The following ENTPD6 variants were observed in gnomAD, a reference collection of about 807,000 sequenced individuals.
The protein encoded by ENTPD6 is CD39 antigen-like 2.
Under a neutral mutation model 61.5 loss-of-function variants are expected in ENTPD6, and 46 were observed. That is an observed-to-expected ratio of 0.75 (90% CI 0.59 to 0.96). ENTPD6 has a LOEUF of 0.96. Among genes scored for constraint, ENTPD6 ranks in the 40% least tolerant of loss-of-function variants. ENTPD6 has a pLI of 0.00. For synonymous variants in ENTPD6, 252 were observed against 255.5 expected (o/e 0.99, Z 0.13); for missense variants, 612 against 629.0 (o/e 0.97, Z 0.29).
At chr20:25,196,140 GTTCATTCA>G (rs1475644037) in intron 1 of ENTPD6, 1 of 1,219,926 alleles carries the variant, frequency 8.2e-7, no homozygotes, top group African/African-American at 1.6e-5. Flanking sequence ...GCCCTGCTGC[GTTCATTCA>G]TTCAGCCCGC....
chr20:25,216,271 G>A (rs1481428673), intron 7 of ENTPD6, among the ~76,000 whole-genome samples: 1 of 152,184 alleles, frequency 6.6e-6, no homozygotes, highest in Admixed American at 6.5e-5. Flanking sequence ...TTGCCACTTT[G>A]GGGGATAGAA....
chr20:25,215,969 T>G (rs2092293407), intron 7 of ENTPD6, among the ~76,000 whole-genome samples: 1 of 152,200 alleles, frequency 6.6e-6, no homozygotes, highest in Non-Finnish European at 1.5e-5. Flanking sequence ...CCCTGTCCCC[T>G]GCAGAACATC....
chr20:25,220,010 G>A (rs944599540), intron 10 of ENTPD6, among the ~76,000 whole-genome samples: 4 of 152,280 alleles, frequency 2.6e-5, no homozygotes, highest in East Asian at 3.9e-4. Flanking sequence ...TGCCCTTTGT[G>A]GTTCCCAGGG....
rs1261058661 is a variant in ENTPD6 at position 25,224,115 on chromosome 20, G to A, written c.1201G>A (p.Gly401Ser). The change falls in exon 13 of 15, where the codon GGC becomes AGC. Residue 401 changes from glycine (G) to serine (S), a missense_variant. Coordinates refer to ENST00000376652, the MANE Select transcript of ENTPD6 (RefSeq NM_001247.5). ...GVGLIDAEKG[G>S]SLVVGDFEIA... ...GTCTCCCACAGATGCGGAGAAGGGAGGCAGCCTGGTGGTGGGGGACTTCGA... is the reference window on the plus strand; with the variant it reads ...GTCTCCCACAGATGCGGAGAAGGGAAGCAGCCTGGTGGTGGGGGACTTCGA... The A allele has an allele frequency of 6.2e-7, 1 of 1,612,358 alleles. No homozygotes were observed. Among genetic ancestry groups the A allele is most frequent in the Non-Finnish European group, 8.5e-7 (1 of 1,179,320 alleles).
At position 25,217,578 on chromosome 20, in the gene ENTPD6, A is replaced by G. The variant is rs759785447; in HGVS notation, c.875A>G (p.Tyr292Cys). Residue 292 changes from tyrosine (Y) to cysteine (C), a missense_variant, in exon 9 of 15, where the codon TAC becomes TGC. Transcript: ENST00000376652. ...MFNRTYKLYSYSYLGLGLMSA... is the reference protein window; with the variant it reads ...MFNRTYKLYSCSYLGLGLMSA... ...AACAGGACCTACAAGCTCTATTCCT[A>G]CAGGTCTGCTTTCGGGAACAGGCGT... The G allele has an allele frequency of 3.1e-6, 5 of 1,613,894 alleles. No individual in the cohort carries two copies. Among genetic ancestry groups the G allele is most frequent in the African/African-American group, 1.3e-5 (1 of 74,902 alleles).
chr20:25,196,176 C>T, intron 1 of ENTPD6: 1 of 1,204,994 alleles, frequency 8.3e-7, no homozygotes, highest in Non-Finnish European at 1.0e-6. Context: ...GACCCGCCCC[C>T]AGTCTGCGTC....
At chr20:25,223,006 GAAGGTC>G in intron 12 of ENTPD6, 28 bp downstream of exon 12, 1 of 1,244,298 alleles carries the variant, frequency 8.0e-7, no homozygotes, top group Non-Finnish European at 1.1e-6. Context: ...GGCTGAGCAG[GAAGGTC>G]GGGGCGGCAG....
chr20:25,216,653 T>C lies in ENTPD6; in HGVS notation c.715T>C (p.Leu239=), dbSNP rs1220530037. The part of the protein sequence containing the change: ...WITINFLTGS[L]KTPGGSSVGM... ...TTTTGCTTGCTGTGCTCCAGGCAGC[T>C]TGAAAACTCCAGGAGGGAGCAGCGT... The change falls in exon 8 of 15, where the codon TTG becomes CTG. Residue 239 remains leucine, a synonymous_variant. Transcript: ENST00000376652. 2 of 1,603,250 alleles carry C rather than the reference T, an allele frequency of 1.2e-6. No homozygotes were observed. The highest frequency in any genetic ancestry group is 8.5e-7 in the Non-Finnish European group (1 of 1,175,384).
chr20:25,217,547 A>G lies in ENTPD6; in HGVS notation c.844A>G (p.Met282Val). The change falls in exon 9 of 15, where the codon ATG becomes GTG. Residue 282 changes from methionine (M) to valine (V), a missense_variant. By Grantham distance (21) the Met-to-Val change is conservative (BLOSUM62 1). Transcript: ENST00000376652. ...ACCCGGCTACCTGACGGCACTGCGG[A>G]TGTTTAACAGGACCTACAAGCTCTA... ...SPPGYLTALRMFNRTYKLYSY... is the reference protein window; with the variant it reads ...SPPGYLTALRVFNRTYKLYSY... The G allele has an allele frequency of 1.2e-6, 2 of 1,614,106 alleles. No homozygotes were observed. Among genetic ancestry groups the G allele is most frequent in the South Asian group, 1.1e-5 (1 of 91,082 alleles).
At position 25,213,425 on chromosome 20, in the gene ENTPD6, C is replaced by A; in HGVS notation, c.597+19C>A. 1 of 1,589,174 alleles carries A rather than the reference C, an allele frequency of 6.3e-7. No individual in the cohort carries two copies. Among genetic ancestry groups the A allele is most frequent in the South Asian group, 1.2e-5 (1 of 86,304 alleles). On this transcript the variant is annotated intron_variant, in intron 5 of 14. Coordinates refer to ENST00000376652, the MANE Select transcript of ENTPD6 (RefSeq NM_001247.5). Reference sequence around the variant, plus strand: ...GCAGAAGGTGAGCCTGGCCATTCCCCAGTGCCATTAGCCAGCCCTCAGGGG... The same window carrying A: ...GCAGAAGGTGAGCCTGGCCATTCCCAAGTGCCATTAGCCAGCCCTCAGGGG...
In ENTPD6 at chr20:25,222,582, G is replaced by C. The variant is rs1477364662; in HGVS notation, c.1046-256G>C. The C allele has an allele frequency of 1.6e-5, 7 of 436,726 alleles. No homozygotes were observed. The South Asian group carries it at 1.9e-4, about 12-fold the overall frequency. 27.1% of individuals were successfully genotyped at this position (436,726 alleles called of 1,614,324 possible). A position where few individuals can be genotyped will look rare whatever the true frequency, so the allele number is the denominator to read the frequency against. On this transcript the variant is annotated intron_variant, in intron 11 of 14. Transcript: ENST00000376652. The stretch of plus-strand genomic sequence containing the variant: ...AGGCATCAGCAGCTTCCTCCTCAGA[G>C]TCCAGGTCTGCCGCTGCCTTCGTGC...
Position 25,227,688 on chromosome 20 carries a change from G to A in ENTPD6, c.*2091G>A, listed in dbSNP as rs1353609524. Among the ~76,000 whole-genome samples the A allele has an allele frequency of 4.6e-5, 7 of 152,164 alleles. No homozygotes were observed. The highest frequency in any genetic ancestry group is 7.2e-5 in the African/African-American group (3 of 41,434). ...CGCCCCACATGCCACCCCAGCCCGC[G>A]TACCCCACATCACTTAGCACCCATT... On this transcript the variant is annotated 3_prime_UTR_variant, in exon 15 of 15. Transcript: ENST00000376652.
chr20:25,215,567 GTGA>G, intron 6 of ENTPD6, 106 bp from the exon 7 acceptor site: 1 of 1,094,662 alleles, frequency 9.1e-7, no homozygotes, highest in Non-Finnish European at 1.4e-6. Context: ...TAGTGCGGAA[GTGA>G]TCCCTTTATG....
chr20:25,210,985 A>C (rs2091924634), intron 4 of ENTPD6, among the ~76,000 whole-genome samples: 1 of 152,214 alleles, frequency 6.6e-6, no homozygotes, highest in Non-Finnish European at 1.5e-5. Flanking sequence ...AAACCAAATA[A>C]ATCGAAATTT....
chr20:25,225,180 G>A (rs370137223), intron 13 of ENTPD6, 25 bp from the exon 14 acceptor site: 18 of 1,600,540 alleles, frequency 1.1e-5, no homozygotes, highest in African/African-American at 1.1e-4. Flanking sequence ...CACCTGGAGC[G>A]TGAAGGGACG....
rs1159077793 is a variant in ENTPD6 at position 25,209,852 on chromosome 20, C to G, written c.380C>G (p.Thr127Ser). The part of the protein sequence containing the change: ...VFQFTRPPRE[T>S]PTLTHETFKA... ...TTTCAACATGTTTTCCCCTTAGAAA[C>G]TCCCACGTTAACCCACGAAACCTTC... The change falls in exon 4 of 15, where the codon ACT (threonine) becomes AGT (serine). Residue 127 changes from threonine to serine, a missense_variant. Coordinates refer to ENST00000376652, the MANE Select transcript of ENTPD6 (RefSeq NM_001247.5). 1.2e-6 allele frequency: 2 copies of G among 1,613,728 alleles called. No individual in the cohort carries two copies. The highest frequency in any genetic ancestry group is 1.7e-5 in the Admixed American group (1 of 60,036).
intron 10 of ENTPD6, among the ~76,000 whole-genome samples, chr20:25,220,281 T>C (rs1272041722): frequency 6.6e-6 from 1 of 152,230 alleles, no homozygotes; most frequent in Non-Finnish European, 1.5e-5. Flanking sequence ...GCTGGGGTCC[T>C]GGGGATCTGT....
intron 10 of ENTPD6, among the ~76,000 whole-genome samples, chr20:25,220,530 T>G (rs1300293941): frequency 6.6e-6 from 1 of 152,146 alleles, no homozygotes; most frequent in Non-Finnish European, 1.5e-5. Context: ...TGAGGGTCTG[T>G]GCACGTGCCT....
chr20:25,225,593 CAT>C lies in ENTPD6; in HGVS notation c.1453_1454del (p.Ter485ValfsTer167). The C allele has an allele frequency of 6.2e-7, 1 of 1,613,624 alleles. No homozygotes were observed. The highest frequency in any genetic ancestry group is 2.2e-5 in the East Asian group (1 of 44,884). ...CTGAACAGACAGAAGAGTCCAGCCTCATAGTGGCCGAGCCATCCCTGTCCCCG... is the reference window on the plus strand; with the variant it reads ...CTGAACAGACAGAAGAGTCCAGCCTCAGTGGCCGAGCCATCCCTGTCCCCG... On this transcript the variant is annotated frameshift_variant and stop_lost, in exon 15 of 15. Transcript: ENST00000376652. LOFTEE classifies it high-confidence loss of function.
Sources: gnomAD v4.1 joint callset for allele counts (sites outside exome capture counted in the v4.1 genomes callset) on GRCh38, gnomAD v4.1.1 for gene constraint, MANE v1.5 for transcripts, NCBI Gene and HGNC (gene_info 2026-07-23, HGNC 2026-07-21) for gene names.